INTS6: variants seen among roughly 807,000 people sequenced by gnomAD.
INTS6 encodes DEAD box protein.
In INTS6, 16 loss-of-function variants were observed where a neutral mutation model predicts 104.9. The observed-to-expected ratio is 0.15, with a 90% CI of 0.10 to 0.23. The LOEUF (loss-of-function observed/expected upper bound fraction) is 0.23, where lower values mean the gene tolerates loss of function less well. Ranked by LOEUF, INTS6 falls within the 10% of genes least tolerant of loss-of-function variation. The pLI is 1.00. For synonymous variants in INTS6, 324 were observed against 358.7 expected (o/e 0.90, Z 1.09); for missense variants, 584 against 1,062.8 (o/e 0.55, Z 6.26).
chr13:51,383,613 C>T lies in INTS6; in HGVS notation c.1023G>A (p.Arg341=). 3.7e-6 allele frequency: 6 copies of T among 1,613,782 alleles called. No individual in the cohort carries two copies. The highest frequency in any genetic ancestry group is 4.2e-6 in the Non-Finnish European group (5 of 1,179,880). Reference sequence around the variant, plus strand: ...CCTGCCAACATGTTTGAGGAGATTTCCTTTCCAGGATAAATTGAGTCAGTG... The same window carrying T: ...CCTGCCAACATGTTTGAGGAGATTTTCTTTCCAGGATAAATTGAGTCAGTG... ...PSPLTQFILE[R]KSPQTCWQVY... is the part of the protein sequence containing the mutation. Residue 341 remains arginine, a synonymous_variant, in exon 8 of 18, where the codon AGG becomes AGA. Coordinates refer to ENST00000311234, the MANE Select transcript of INTS6 (RefSeq NM_012141.3).
chr13:51,364,248 T>G lies in INTS6; in HGVS notation c.*1504A>C. The stretch of plus-strand genomic sequence containing the variant: ...TTCTTTTTCTTGACAGGGTTTGTCT[T>G]CAGTATTGGGAGAGTTTCAAATCCC... On this transcript the variant is annotated 3_prime_UTR_variant, in exon 18 of 18. Coordinates refer to ENST00000311234, the MANE Select transcript of INTS6 (RefSeq NM_012141.3). 1 of 1,458,922 alleles carries G rather than the reference T, an allele frequency of 6.9e-7. No individual in the cohort carries two copies. Among genetic ancestry groups the G allele is most frequent in the Non-Finnish European group, 9.2e-7 (1 of 1,086,400 alleles). 90.4% of individuals were successfully genotyped at this position (1,458,922 alleles called of 1,614,324 possible). A position where few individuals can be genotyped will look rare whatever the true frequency, so the allele number is the denominator to read the frequency against.
the INTS6 span, among the ~76,000 whole-genome samples, chr13:51,337,002 C>T: frequency 2.0e-5 from 3 of 152,218 alleles, no homozygotes; most frequent in East Asian, 3.8e-4. Context: ...TGGAGGCTCA[C>T]CTGCACCATT....
Position 51,452,323 on chromosome 13 carries a change from T to G in INTS6, c.111+92A>C, listed in dbSNP as rs2138188224. 1 of 1,209,710 alleles carries G rather than the reference T, an allele frequency of 8.3e-7. No individual in the cohort carries two copies. Among genetic ancestry groups the G allele is most frequent in the South Asian group, 2.8e-5 (1 of 35,238 alleles). The allele number at this position is 1,209,710 out of a possible 1,614,324, so 74.9% of individuals were successfully genotyped here. A position where few individuals can be genotyped will look rare whatever the true frequency, so the allele number is the denominator to read the frequency against. ...GAGCCCGGCAGCTCCCGCAGTCAGG[T>G]CCCCGACACCCCCGCCCCGGCCGCC... On this transcript the variant is annotated intron_variant, in intron 1 of 17. Coordinates refer to ENST00000311234, the MANE Select transcript of INTS6 (RefSeq NM_012141.3). The surrounding 1 kb of genome is among the most constrained non-coding windows in gnomAD (Gnocchi z 4.2).
intron 13 of INTS6, among the ~76,000 whole-genome samples, chr13:51,375,368 A>G (rs1019050827): frequency 6.6e-6 from 1 of 150,376 alleles, no homozygotes; most frequent in Non-Finnish European, 1.5e-5. Flanking sequence ...AAAAAAAAAA[A>G]GTATGTGTGA....
intron 3 of INTS6, chr13:51,445,511 G>A (rs934104151): frequency 2.0e-5 from 3 of 152,000 alleles, no homozygotes; most frequent in African/African-American, 7.3e-5. Flanking sequence ...ATCCTAATAA[G>A]GTACATTTTA....
chr13:51,352,347 T>A (rs567686410), downstream of INTS6, among the ~76,000 whole-genome samples: 1 of 152,136 alleles, frequency 6.6e-6, no homozygotes, highest in African/African-American at 2.4e-5. Flanking sequence ...TTATTCTAAG[T>A]ATTTTACTCC....
intron 4 of INTS6, among the ~76,000 whole-genome samples, chr13:51,401,542 G>A (rs190192299): frequency 1.3e-5 from 2 of 152,194 alleles, no homozygotes; most frequent in African/African-American, 4.8e-5. Context: ...GTATTCAAAT[G>A]GAAGTGTCTG....
chr13:51,361,075 C>T (rs572357123), downstream of INTS6, among the ~76,000 whole-genome samples: 1 of 152,016 alleles, frequency 6.6e-6, no homozygotes, highest in African/African-American at 2.4e-5. Context: ...AGTTTGGTAA[C>T]ATATTGAGTC....
rs911801883 is a variant in INTS6, at chr13:51,374,880, G to C, written c.1730-84C>G. 5.1e-5 allele frequency: 70 copies of C among 1,381,858 alleles called. No homozygotes were observed. In the African/African-American group the frequency reaches 9.8e-4, roughly 19 times the overall value. 85.6% of individuals were successfully genotyped at this position (1,381,858 alleles called of 1,614,324 possible). On this transcript the variant is annotated intron_variant, in intron 13 of 17. Coordinates refer to ENST00000311234, the MANE Select transcript of INTS6 (RefSeq NM_012141.3). The stretch of plus-strand genomic sequence containing the variant: ...TTTCCTTATATATGAATGCTACCTA[G>C]TGTTATTCTAGACAGTCTTCTTTAC...
intron 13 of INTS6, among the ~76,000 whole-genome samples, chr13:51,375,735 G>A (rs78035039): frequency 0.017 from 638 of 36,476 alleles, 4 homozygotes; most frequent in African/African-American, 0.14. Flanking sequence ...TGATAAGTGG[G>A]TGTGTGTGTG....
intron 4 of INTS6, among the ~76,000 whole-genome samples, chr13:51,424,501 T>A (rs1338510929): frequency 6.6e-6 from 1 of 152,064 alleles, no homozygotes; most frequent in Non-Finnish European, 1.5e-5. Flanking sequence ...AAACTACTAA[T>A]AATTGCAGAT....
chr13:51,441,928 C>T (rs2138143810), intron 3 of INTS6: 1 of 151,074 alleles, frequency 6.6e-6, no homozygotes, highest in South Asian at 2.1e-4. Flanking sequence ...TCAAGTGACT[C>T]TCCTGCCTCA....
chr13:51,377,427 C>G (rs1344943072), intron 12 of INTS6, among the ~76,000 whole-genome samples: 1 of 152,094 alleles, frequency 6.6e-6, no homozygotes, highest in South Asian at 2.1e-4. Flanking sequence ...CTCAACATCA[C>G]AAAGATTTTT....
intron 3 of INTS6, among the ~76,000 whole-genome samples, chr13:51,433,093 C>G (rs1023915212): frequency 1.3e-5 from 2 of 152,172 alleles, no homozygotes; most frequent in African/African-American, 4.8e-5. Context: ...AAAGCCACCA[C>G]AGCATGGACC....
the INTS6 span, among the ~76,000 whole-genome samples, chr13:51,335,346 T>C: frequency 6.6e-6 from 1 of 152,102 alleles, no homozygotes; most frequent in East Asian, 1.9e-4. Context: ...AGGGTATAAA[T>C]GGGTAATTTC....
At chr13:51,337,474 C>G in the INTS6 span, among the ~76,000 whole-genome samples, 3,805 of 152,306 alleles carry the variant, frequency 0.025, 61 homozygotes, top group South Asian at 0.056. Flanking sequence ...ACGAGCAAAA[C>G]AGTCTGGGCT....
chr13:51,337,063 G>T, the INTS6 span, among the ~76,000 whole-genome samples: 1 of 152,178 alleles, frequency 6.6e-6, no homozygotes, highest in African/African-American at 2.4e-5. Context: ...CCATGTGCTG[G>T]GCTACCTTGC....
chr13:51,451,354 A>C, intron 2 of INTS6, 180 bp from the exon 3 acceptor site: 2 of 412,392 alleles, frequency 4.8e-6, no homozygotes, highest in Admixed American at 8.8e-5. Flanking sequence ...GGAATAACCC[A>C]GCTTCCTCTC....
intron 4 of INTS6, among the ~76,000 whole-genome samples, chr13:51,411,552 C>CAA (rs59096568): frequency 2.5e-5 from 3 of 118,076 alleles, no homozygotes; most frequent in Admixed American, 8.8e-5. Flanking sequence ...GACTCCATCT[C>CAA]AAAAAAAAAA....
Sources: gnomAD v4.1 joint callset for allele counts (sites outside exome capture counted in the v4.1 genomes callset) on GRCh38, gnomAD v4.1.1 for gene constraint, Gnocchi (gnomAD v3.1) non-coding constraint, MANE v1.5 for transcripts, NCBI Gene and HGNC (gene_info 2026-07-23, HGNC 2026-07-21) for gene names.